The following KYNU variants were observed in gnomAD, a reference collection of about 807,000 sequenced individuals.
The protein encoded by KYNU is L-kynurenine hydrolase.
In KYNU, 54 loss-of-function variants were observed where a neutral mutation model predicts 59.2. The ratio of observed to expected loss-of-function variants is 0.91; its 90% CI spans 0.73 to 1.14. The LOEUF is 1.14. KYNU is among the 50% of genes most tolerant of loss of function. The pLI, the probability that KYNU is intolerant of heterozygous loss-of-function variation, is 0.00. For missense variants in KYNU, 567 were observed against 554.4 expected (o/e 1.02, Z -0.23); for synonymous variants, 177 against 192.0 (o/e 0.92, Z 0.65).
intron 4 of KYNU, among the ~76,000 whole-genome samples, chr2:142,930,564 T>A (rs1047405413): frequency 6.6e-6 from 1 of 152,204 alleles, no homozygotes; most frequent in Non-Finnish European, 1.5e-5. Flanking sequence ...AGGGTTCTCC[T>A]CCTGGCTTCT....
chr2:142,951,629 A>T (rs1341034995), intron 4 of KYNU, among the ~76,000 whole-genome samples: 1 of 152,232 alleles, frequency 6.6e-6, no homozygotes, highest in African/African-American at 2.4e-5. Flanking sequence ...CCTTTAGGTC[A>T]TATTTGTAGT....
At chr2:142,957,829 G>A (rs1573839090) in intron 7 of KYNU, 114 bp downstream of exon 7, 1 of 711,208 alleles carries the variant, frequency 1.4e-6, no homozygotes. Context: ...TTTCAAGAAA[G>A]CATGAAGGAC....
chr2:142,926,928 C>A (rs145961678), intron 3 of KYNU, among the ~76,000 whole-genome samples: 105 of 152,332 alleles, frequency 6.9e-4, no homozygotes, highest in African/African-American at 2.4e-3. Context: ...AACAATGTAA[C>A]AGCACTCAGA....
At chr2:142,883,357 G>C (rs1681374432) in intron 1 of KYNU, among the ~76,000 whole-genome samples, 1 of 151,452 alleles carries the variant, frequency 6.6e-6, no homozygotes, top group African/African-American at 2.4e-5. Flanking sequence ...ACCTCGCACG[G>C]CTAATTTTTT....
At chr2:143,041,116 T>C (rs1268319914) in intron 13 of KYNU, among the ~76,000 whole-genome samples, 1 of 152,068 alleles carries the variant, frequency 6.6e-6, no homozygotes, top group East Asian at 1.9e-4. Context: ...AAAAAAGATA[T>C]ATATACACTT....
chr2:142,918,250 ATCT>A (rs1682735564), intron 2 of KYNU, among the ~76,000 whole-genome samples: 1 of 152,186 alleles, frequency 6.6e-6, no homozygotes, highest in African/African-American at 2.4e-5. Flanking sequence ...AATTCTGGTA[ATCT>A]TCTTATACAA....
rs867537961 is a variant in KYNU at position 143,046,574 on chromosome 2, G to C, written c.*4402G>C. 7.0e-6 allele frequency: 1 copy of C among 142,176 alleles called. No homozygotes were observed. Among genetic ancestry groups the C allele is most frequent in the African/African-American group, 2.5e-5 (1 of 40,012 alleles). 8.8% of individuals were successfully genotyped at this position (142,176 alleles called of 1,614,324 possible). On this transcript the variant is annotated 3_prime_UTR_variant, in exon 14 of 14. Coordinates refer to ENST00000264170, the MANE Select transcript of KYNU (RefSeq NM_003937.3). ...TATATATCTATATAAATATAGATAT[G>C]TAGATATATGAAAGCAATATATATA...
At chr2:142,924,393 C>T (rs1682984927) in intron 3 of KYNU, among the ~76,000 whole-genome samples, 1 of 152,174 alleles carries the variant, frequency 6.6e-6, no homozygotes, top group African/African-American at 2.4e-5. Context: ...AGGCGTGAGC[C>T]ACCGTCCCTG....
At position 143,042,561 on chromosome 2, in the gene KYNU, T is replaced by C. The variant is rs976294511; in HGVS notation, c.*389T>C. On this transcript the variant is annotated 3_prime_UTR_variant, in exon 14 of 14. Coordinates refer to ENST00000264170, the MANE Select transcript of KYNU (RefSeq NM_003937.3). ...ACTTTAGCTTCAATTTACCAAGGAG[T>C]TTCTTTGAAGCATTGTAGTCTGATA... The C allele has an allele frequency of 5.7e-6, 1 of 176,206 alleles. No individual in the cohort carries two copies. The highest frequency in any genetic ancestry group is 1.2e-5 in the Non-Finnish European group (1 of 84,672). The allele number at this position is 176,206 out of a possible 1,614,324, so 10.9% of individuals were successfully genotyped here.
chr2:142,988,082 T>G (rs1685273799), intron 10 of KYNU, among the ~76,000 whole-genome samples: 1 of 151,812 alleles, frequency 6.6e-6, no homozygotes, highest in Non-Finnish European at 1.5e-5. Flanking sequence ...CTCAGGCAGT[T>G]GTTTGTAGCA....
intron 10 of KYNU, among the ~76,000 whole-genome samples, chr2:143,003,639 T>G (rs1366685885): frequency 2.0e-5 from 3 of 152,154 alleles, no homozygotes. Context: ...GTATTCATAC[T>G]TCAAAATTTT....
intron 3 of KYNU, among the ~76,000 whole-genome samples, chr2:142,925,239 A>G (rs1360981376): frequency 6.6e-6 from 1 of 152,230 alleles, no homozygotes; most frequent in Non-Finnish European, 1.5e-5. Flanking sequence ...TTTAGCATTT[A>G]TATTAGAAAT....
At chr2:142,972,162 T>A (rs971594395) in intron 8 of KYNU, among the ~76,000 whole-genome samples, 12 of 152,196 alleles carry the variant, frequency 7.9e-5, no homozygotes, top group Admixed American at 7.2e-4. Flanking sequence ...CAATTATTTT[T>A]TTCTGGTAAA....
chr2:142,951,737 A>G (rs1683997319), intron 4 of KYNU, among the ~76,000 whole-genome samples: 1 of 152,266 alleles, frequency 6.6e-6, no homozygotes, highest in Non-Finnish European at 1.5e-5. Context: ...GTCCTTGGAC[A>G]AAGGTCAGTA....
intron 4 of KYNU, among the ~76,000 whole-genome samples, chr2:142,936,847 A>G (rs1230574054): frequency 6.6e-6 from 1 of 152,172 alleles, no homozygotes; most frequent in Non-Finnish European, 1.5e-5. Context: ...GGTAGGCCCA[A>G]GGAGGACGCA....
intron 10 of KYNU, among the ~76,000 whole-genome samples, chr2:143,020,431 C>T (rs779353751): frequency 2.6e-5 from 4 of 152,182 alleles, no homozygotes; most frequent in Non-Finnish European, 4.4e-5. Context: ...TGTATTTGTA[C>T]AGTTTCCAAA....
chr2:142,995,291 A>G lies in KYNU; in HGVS notation c.902+9270A>G, dbSNP rs568331724. Among the ~76,000 whole-genome samples the G allele has an allele frequency of 1.2e-3, 176 of 152,232 alleles. 1 individual carries two copies. The highest frequency in any genetic ancestry group is 3.6e-3 in the African/African-American group (150 of 41,580). On this transcript the variant is annotated intron_variant, in intron 10 of 13. Transcript: ENST00000264170. ...TTATCATTTCTGGAAGTGCTTTTTT[A>G]TGACTATGCTTATCATACTGTTAGC... is the stretch of plus-strand genomic sequence containing the variant.
intron 11 of KYNU, among the ~76,000 whole-genome samples, chr2:143,031,601 G>A (rs1010152754): frequency 1.3e-5 from 2 of 152,090 alleles, no homozygotes; most frequent in African/African-American, 2.4e-5. Flanking sequence ...GTATGCATCT[G>A]TAGTCCCAGC....
intron 8 of KYNU, among the ~76,000 whole-genome samples, chr2:142,975,826 T>A (rs575751675): frequency 2.0e-5 from 3 of 152,358 alleles, no homozygotes; most frequent in African/African-American, 7.2e-5. Flanking sequence ...TTTAAATCAC[T>A]ACGTAAACAT....
Sources: allele counts gnomAD v4.1 joint callset (sites outside exome capture counted in the v4.1 genomes callset), GRCh38; gene constraint gnomAD v4.1.1; transcripts MANE v1.5; gene names NCBI Gene and HGNC (gene_info 2026-07-23, HGNC 2026-07-21).